Variants in ATP2B3 observed in about 807,000 individuals in gnomAD.
The protein encoded by ATP2B3 is ATPase plasma membrane Ca2+ transporting 3, also known as plasma membrane calcium-transporting ATPase 3.
ATP2B3 carries 12 observed loss-of-function variants against 70.8 expected under a neutral mutation model. That is an observed-to-expected ratio of 0.17 (90% CI 0.11 to 0.27). ATP2B3 has a LOEUF of 0.27. Among genes scored for constraint, ATP2B3 ranks in the 10% least tolerant of loss-of-function variants. ATP2B3 has a pLI of 1.00. For synonymous variants in ATP2B3, 460 were observed against 497.8 expected, an observed-to-expected ratio of 0.92 and a Z score of 1.01; for missense variants, 858 against 1,118.5, an observed-to-expected ratio of 0.77 and a Z score of 3.32.
chrX:153,555,532 C>T, intron 13 of ATP2B3, among the ~76,000 whole-genome samples: 1 of 111,525 alleles, frequency 9.0e-6, no homozygotes, highest in Non-Finnish European at 1.9e-5. Flanking sequence ...TGTCCCCGAG[C>T]CTGAAGAGCC....
intron 5 of ATP2B3, 104 bp downstream of exon 5, chrX:153,542,030 T>G: frequency 1.1e-6 from 1 of 943,689 alleles, no homozygotes. Context: ...CCCGGTGGCC[T>G]GCGTGTCGTC....
At chrX:153,538,096 G>A (rs56784075) in intron 3 of ATP2B3, among the ~76,000 whole-genome samples, 2,277 of 112,849 alleles carry the variant, frequency 0.02, 57 homozygotes, top group African/African-American at 0.069. Flanking sequence ...CAAGGTCCTC[G>A]GGCTGGAGCT....
At chrX:153,567,501 C>T (rs2090725824) in intron 21 of ATP2B3, among the ~76,000 whole-genome samples, 3 of 112,954 alleles carry the variant, frequency 2.7e-5, no homozygotes, top group Admixed American at 9.3e-5. Context: ...TCACTCCTGC[C>T]GCCGCAGCCG....
chrX:153,523,724 C>T (rs1343034018), intron 2 of ATP2B3, among the ~76,000 whole-genome samples: 1 of 76,884 alleles, frequency 1.3e-5, no homozygotes, highest in Non-Finnish European at 2.3e-5. Flanking sequence ...CTGAGACAGT[C>T]TCGCTCTGTC....
chrX:153,541,648 T>C (rs373750077), intron 4 of ATP2B3, 21 bp from the exon 5 acceptor site: 100 of 1,205,616 alleles, frequency 8.3e-5, no homozygotes, highest in Non-Finnish European at 9.1e-5. Context: ...CTCCACTGCT[T>C]CCCTTCTGTC....
At chrX:153,545,957 G>T in intron 7 of ATP2B3, 131 bp from the exon 8 acceptor site, 2 of 657,950 alleles carry the variant, frequency 3.0e-6, no homozygotes, top group Non-Finnish European at 4.8e-6. Context: ...TGGTGACGGG[G>T]TGAGCCTGGA....
chrX:153,552,774 A>C (rs1557011992), intron 12 of ATP2B3, among the ~76,000 whole-genome samples: 1 of 112,420 alleles, frequency 8.9e-6, no homozygotes, highest in East Asian at 2.8e-4. Context: ...CCTCCAAAGC[A>C]TCTCAGAGAG....
At chrX:153,544,085 C>T (rs1406848856) in intron 7 of ATP2B3, among the ~76,000 whole-genome samples, 5 of 112,938 alleles carry the variant, frequency 4.4e-5, no homozygotes, top group African/African-American at 1.6e-4. Context: ...CTCCTGGCAG[C>T]CTGGGCCTGT....
intron 10 of ATP2B3, 78 bp downstream of exon 10, chrX:153,548,932 A>G (rs1401877590): frequency 1.0e-6 from 1 of 1,000,888 alleles, no homozygotes; most frequent in Non-Finnish European, 1.4e-6. Context: ...CCTTGGTGGC[A>G]GTATAAACTG....
intron 6 of ATP2B3, 62 bp downstream of exon 6, chrX:153,542,510 A>T: frequency 8.5e-7 from 1 of 1,177,655 alleles, no homozygotes; most frequent in South Asian, 1.9e-5. Context: ...GTGGCCCAGC[A>T]TCCTGTCCAG....
At chrX:153,522,397 G>A (rs1556998117) in intron 2 of ATP2B3, among the ~76,000 whole-genome samples, 1 of 112,293 alleles carries the variant, frequency 8.9e-6, no homozygotes, top group East Asian at 2.8e-4. Flanking sequence ...ATGGACTGAG[G>A]CCACGAGGCC....
intron 19 of ATP2B3, 37 bp from the exon 20 acceptor site, chrX:153,562,098 C>G: frequency 8.5e-7 from 1 of 1,176,073 alleles, no homozygotes; most frequent in Non-Finnish European, 1.2e-6. Flanking sequence ...TCAGGAGCCG[C>G]GGCTGGACCT....
At chrX:153,524,384 C>T (rs781789849) in intron 2 of ATP2B3, among the ~76,000 whole-genome samples, 2 of 111,369 alleles carry the variant, frequency 1.8e-5, no homozygotes, top group Non-Finnish European at 3.8e-5. Context: ...GTCTCTGTCC[C>T]GACTACTCAA....
intron 2 of ATP2B3, among the ~76,000 whole-genome samples, chrX:153,530,103 G>A (rs782620845): frequency 2.4e-4 from 27 of 112,578 alleles, no homozygotes; most frequent in African/African-American, 8.1e-4. Flanking sequence ...GGGTCCTATG[G>A]GAATTCTACT....
In ATP2B3 at chrX:153,541,730, G is replaced by A; in HGVS notation, c.468G>A (p.Glu156=). The A allele has an allele frequency of 8.3e-7, 1 of 1,211,786 alleles. No homozygotes were observed. Among genetic ancestry groups the A allele is most frequent in the Non-Finnish European group, 1.1e-6 (1 of 895,553 alleles). ...GCGAGGCCGAAGCTGGCTGGATCGA[G>A]GGGGCTGCCATCCTGCTGTCCGTCA... ...DEGEAEAGWI[E]GAAILLSVIC... The change falls in exon 5 of 22, where the codon GAG becomes GAA. Residue 156 remains glutamate (E), a synonymous_variant. Coordinates refer to ENST00000263519, the MANE Select transcript of ATP2B3 (RefSeq NM_001001344.3).
intron 2 of ATP2B3, among the ~76,000 whole-genome samples, chrX:153,528,221 C>T (rs924549464): frequency 8.9e-6 from 1 of 112,344 alleles, no homozygotes; most frequent in African/African-American, 3.2e-5. Flanking sequence ...GCAGCAATGT[C>T]GAATCCTCTG....
In ATP2B3 at chrX:153,560,898, C is replaced by T. The variant is rs1557016089; in HGVS notation, c.3051+11C>T. 5.8e-6 allele frequency: 7 copies of T among 1,210,516 alleles called. No individual in the cohort carries two copies. The Admixed American group carries it at 6.5e-5, about 11-fold the overall frequency. On this transcript the variant is annotated intron_variant, in intron 19 of 21. Transcript: ENST00000263519. The stretch of plus-strand genomic sequence containing the variant: ...ACTTTCGGGATTCAGGTAGGAGGGG[C>T]GGCTCCACTCTTGGCCTCTGCCACT...
Position 153,542,435 on chromosome X carries a change from C to T in ATP2B3, c.777C>T (p.Pro259=). 3 of 1,211,600 alleles carry T rather than the reference C, an allele frequency of 2.5e-6. No individual in the cohort carries two copies. Among genetic ancestry groups the T allele is most frequent in the Non-Finnish European group, 3.4e-6 (3 of 895,456 alleles). ...DHVRKSADKD[P]MLLSGTHVME... ...TGCGCAAGTCAGCTGACAAAGATCC[C>T]ATGCTGCTCTCAGGTGAGGGCCACC... Residue 259 remains proline, a synonymous_variant, in exon 6 of 22, where the codon CCC becomes CCT. Coordinates refer to ENST00000263519, the MANE Select transcript of ATP2B3 (RefSeq NM_001001344.3).
intron 21 of ATP2B3, among the ~76,000 whole-genome samples, chrX:153,579,471 T>C (rs1337402315): frequency 8.9e-6 from 1 of 112,476 alleles, no homozygotes; most frequent in African/African-American, 3.2e-5. Flanking sequence ...GACTTTCTGG[T>C]AAGATCGAGA....
Sources: allele counts gnomAD v4.1 joint callset (sites outside exome capture counted in the v4.1 genomes callset), GRCh38; gene constraint gnomAD v4.1.1; transcripts MANE v1.5; gene names NCBI Gene and HGNC (gene_info 2026-07-23, HGNC 2026-07-21).